Variants in BEND3 observed in about 807,000 individuals in gnomAD.
BEND3 encodes BEN domain containing 3.
Under a neutral mutation model 60.1 loss-of-function variants are expected in BEND3, and 13 were observed. The ratio of observed to expected loss-of-function variants is 0.22; its 90% CI spans 0.14 to 0.34. The LOEUF is 0.34. Ranked by LOEUF, BEND3 falls within the 10% of genes least tolerant of loss-of-function variation. The probability of loss-of-function intolerance (pLI) is 1.00; values close to 1 mark genes in which losing one functional copy is unlikely to be tolerated. For missense variants in BEND3, 896 were observed against 1,138.1 expected (o/e 0.79, Z 3.06); for synonymous variants, 497 against 491.5 (o/e 1.01, Z -0.15).
chr6:107,105,203 T>C lies in BEND3; in HGVS notation c.-11-5907A>G, dbSNP rs1056017476. Among the ~76,000 whole-genome samples, 4 of 151,872 alleles carry C rather than the reference T, an allele frequency of 2.6e-5. No homozygotes were observed. In the South Asian group the frequency reaches 8.3e-4, roughly 31 times the overall value. On this transcript the variant is annotated intron_variant, in intron 1 of 3. Coordinates refer to ENST00000369042, the MANE Select transcript of BEND3 (RefSeq NM_001367314.1). ...CTGGCCAACGTGGTGAAACCCCATC[T>C]CTACTAAAAATACAAAAATTAGCTG...
intron 3 of BEND3, among the ~76,000 whole-genome samples, chr6:107,090,624 G>A (rs1775455479): frequency 6.6e-6 from 1 of 152,182 alleles, no homozygotes; most frequent in Non-Finnish European, 1.5e-5. Context: ...ATGAGTGACA[G>A]CAATAAGACA....
intron 3 of BEND3, among the ~76,000 whole-genome samples, chr6:107,074,884 G>A (rs947138574): frequency 2.6e-5 from 4 of 152,046 alleles, no homozygotes; most frequent in Non-Finnish European, 5.9e-5. Context: ...AGTGGATCAC[G>A]AGGTCAGGAG....
At chr6:107,114,492 G>T (rs1770215128) in intron 1 of BEND3, 1 of 151,484 alleles carries the variant, frequency 6.6e-6, no homozygotes, top group African/African-American at 2.4e-5. Context: ...GCAGCCTCCG[G>T]AGGCTTCGTT....
rs782353671 is a variant in BEND3, at chr6:107,069,369, G to A, written c.1822C>T (p.Pro608Ser). Reference protein sequence around the residue: ...SGSLGKKQLDPSRIKLIRHYV... With the variant: ...SGSLGKKQLDSSRIKLIRHYV... ...TGGCGGATGAGCTTGATGCGGGAGG[G>A]GTCCAGCTGCTTCTTGCCCAGGGAG... is the stretch of plus-strand genomic sequence containing the variant. Residue 608 changes from proline to serine, a missense_variant, in exon 4 of 4, where the codon CCC becomes TCC. By Grantham distance (74) the Pro-to-Ser change is moderately conservative. Coordinates refer to ENST00000369042, the MANE Select transcript of BEND3 (RefSeq NM_001367314.1). 6.2e-7 allele frequency: 1 copy of A among 1,612,904 alleles called. No individual in the cohort carries two copies. The highest frequency in any genetic ancestry group is 1.1e-5 in the South Asian group (1 of 91,036).
At chr6:107,098,077 A>G (rs781955459) in intron 3 of BEND3, among the ~76,000 whole-genome samples, 12 of 152,156 alleles carry the variant, frequency 7.9e-5, no homozygotes, top group Non-Finnish European at 1.5e-4. Context: ...TGGGAGGCCA[A>G]GTCAGGAGGA....
At chr6:107,082,012 A>G (rs1775245156) in intron 3 of BEND3, among the ~76,000 whole-genome samples, 1 of 152,208 alleles carries the variant, frequency 6.6e-6, no homozygotes, top group African/African-American at 2.4e-5. Context: ...CTCCCTGTTT[A>G]TAACAATAGC....
intron 3 of BEND3, among the ~76,000 whole-genome samples, chr6:107,080,377 A>G (rs13201997): frequency 1.5e-5 from 2 of 136,852 alleles, no homozygotes; most frequent in African/African-American, 6.1e-5. Flanking sequence ...AAAAAAAAAA[A>G]CAAAAAACAG....
chr6:107,081,501 C>T (rs959861295), intron 3 of BEND3, among the ~76,000 whole-genome samples: 7 of 152,152 alleles, frequency 4.6e-5, no homozygotes, highest in Admixed American at 3.9e-4. Flanking sequence ...GGATTACAGG[C>T]ATGAGCCACC....
intron 1 of BEND3, among the ~76,000 whole-genome samples, chr6:107,102,453 T>A (rs1429366923): frequency 6.6e-6 from 1 of 152,186 alleles, no homozygotes; most frequent in Admixed American, 6.5e-5. Context: ...AGAGCACACA[T>A]CTCAGCCACC....
intron 1 of BEND3, among the ~76,000 whole-genome samples, chr6:107,102,957 C>T (rs1775731799): frequency 6.6e-6 from 1 of 152,232 alleles, no homozygotes; most frequent in Non-Finnish European, 1.5e-5. Context: ...CTTTCTGTGC[C>T]TTCCCTCAGC....
chr6:107,071,059 T>G, intron 3 of BEND3, 109 bp from the exon 4 acceptor site: 1 of 1,044,462 alleles, frequency 9.6e-7, no homozygotes. Context: ...TGGGAGCATG[T>G]AAGAAACTGA....
intron 3 of BEND3, among the ~76,000 whole-genome samples, chr6:107,085,594 C>T (rs1775328726): frequency 6.6e-6 from 1 of 151,802 alleles, no homozygotes; most frequent in African/African-American, 2.4e-5. Context: ...CAGGTTCATG[C>T]TATTCTCCTG....
At chr6:107,102,659 G>A (rs1390873657) in intron 1 of BEND3, among the ~76,000 whole-genome samples, 9 of 152,178 alleles carry the variant, frequency 5.9e-5, no homozygotes, top group African/African-American at 1.9e-4. Flanking sequence ...CCTTCCCTCC[G>A]GGCCAGCAAA....
chr6:107,094,033 T>G (rs1408679153), intron 3 of BEND3, among the ~76,000 whole-genome samples: 2 of 152,170 alleles, frequency 1.3e-5, no homozygotes, highest in Non-Finnish European at 2.9e-5. Flanking sequence ...AATCAAAATA[T>G]ATGAAGAACT....
At chr6:107,076,276 C>T (rs1554232761) in intron 3 of BEND3, among the ~76,000 whole-genome samples, 2 of 152,272 alleles carry the variant, frequency 1.3e-5, no homozygotes, top group Non-Finnish European at 2.9e-5. Context: ...TGCTACTTGG[C>T]ACTGGGTAGG....
chr6:107,068,977 G>A lies in BEND3; in HGVS notation c.2214C>T (p.Asn738=), dbSNP rs1554231290. The A allele has an allele frequency of 1.2e-6, 2 of 1,613,902 alleles. No individual in the cohort carries two copies. The highest frequency in any genetic ancestry group is 8.5e-7 in the Non-Finnish European group (1 of 1,180,028). ...EIVQQSLSVG[N]FAARLLVRLF... is the part of the protein sequence containing the mutation. Reference sequence around the variant, plus strand: ...GGCGGACGAGGAGCCGGGCGGCAAAGTTGCCCACGGAGAGGCTCTGCTGCA... The same window carrying A: ...GGCGGACGAGGAGCCGGGCGGCAAAATTGCCCACGGAGAGGCTCTGCTGCA... The change falls in exon 4 of 4, where the codon AAC becomes AAT. Residue 738 remains asparagine (N), a synonymous_variant. Coordinates refer to ENST00000369042, the MANE Select transcript of BEND3 (RefSeq NM_001367314.1). The surrounding 1 kb of genome is among the most constrained non-coding windows in gnomAD (Gnocchi z 5.8).
Position 107,069,974 on chromosome 6 carries a change from G to A in BEND3, c.1217C>T (p.Ser406Leu), listed in dbSNP as rs1562297949. 1.2e-6 allele frequency: 2 copies of A among 1,613,834 alleles called. No individual in the cohort carries two copies. Among genetic ancestry groups the A allele is most frequent in the Middle Eastern group, 1.7e-4 (1 of 6,056 alleles). Residue 406 changes from serine to leucine, a missense_variant, in exon 4 of 4, where the codon TCA becomes TTA. This residue lies in a region of BEND3 where 846 missense variants were observed against 1,036.7 expected (regional missense o/e 0.82). Coordinates refer to ENST00000369042, the MANE Select transcript of BEND3 (RefSeq NM_001367314.1). ...GAGGAAGACGGCAAACTCGCCTGGT[G>A]AGGAGGCTTCGTCCAGGAACTCAGT... ...DLTEFLDEAS[S>L]PGEFAVFLLH...
chr6:107,074,728 G>A (rs1158561260), intron 3 of BEND3, among the ~76,000 whole-genome samples: 2 of 152,202 alleles, frequency 1.3e-5, no homozygotes, highest in Admixed American at 1.3e-4. Flanking sequence ...AGGAAGGGGT[G>A]GAGATAGCTG....
At chr6:107,108,842 G>T (rs1665617391) in intron 1 of BEND3, among the ~76,000 whole-genome samples, 2 of 152,290 alleles carry the variant, frequency 1.3e-5, no homozygotes, top group South Asian at 4.1e-4. Context: ...GTCTCGCTCT[G>T]TTGCCCAGGA....
Sources: gnomAD v4.1 joint callset for allele counts (sites outside exome capture counted in the v4.1 genomes callset) on GRCh38, gnomAD v4.1.1 for gene constraint, gnomAD v4.1.1 regional missense constraint, Gnocchi (gnomAD v3.1) non-coding constraint, MANE v1.5 for transcripts, NCBI Gene and HGNC (gene_info 2026-07-23, HGNC 2026-07-21) for gene names.